MEI1: variants seen among roughly 807,000 people sequenced by gnomAD.
The protein encoded by MEI1 is meiosis inhibitor protein 1.
A neutral mutation model predicts 146.2 loss-of-function variants in MEI1; 103 were observed. The ratio of observed to expected loss-of-function variants is 0.70; its 90% CI spans 0.60 to 0.83. MEI1 has a LOEUF of 0.83. Ranked by LOEUF, MEI1 falls within the 40% of genes least tolerant of loss-of-function variation. The pLI, the probability that MEI1 is intolerant of heterozygous loss-of-function variation, is 0.00. For synonymous variants in MEI1, 652 were observed against 628.2 expected (o/e 1.04, Z -0.57); for missense variants, 1,529 against 1,533.0 (o/e 1.00, Z 0.04).
intron 21 of MEI1, among the ~76,000 whole-genome samples, chr22:41,777,157 A>G (rs949671817): frequency 1.2e-5 from 1 of 84,214 alleles, no homozygotes; most frequent in Non-Finnish European, 2.7e-5. Context: ...TTTTAAAAAT[A>G]ATTTTTTTTT....
Position 41,795,774 on chromosome 22 carries a change from C to T in MEI1, c.3706C>T (p.Gln1236Ter). 6.2e-7 allele frequency: 1 copy of T among 1,613,828 alleles called. No homozygotes were observed. Among genetic ancestry groups the T allele is most frequent in the African/African-American group, 1.3e-5 (1 of 75,044 alleles). ...ACACCTGGCTGACCACAGCATGGCC[C>T]AGACCCTGCAGGCCTCCTTGGAGGG... Reference protein sequence around the residue: ...MGHLADHSMAQTLQASLEGLP... With the variant: ...MGHLADHSMA The change falls in exon 30 of 31, where the codon CAG becomes TAG. Residue 1236 changes from glutamine to a stop codon, truncating the protein, a stop_gained. Coordinates refer to ENST00000401548, the MANE Select transcript of MEI1 (RefSeq NM_152513.4). LOFTEE classifies it high-confidence loss of function. The surrounding 1 kb of genome is among the most constrained non-coding windows in gnomAD (Gnocchi z 4.2).
chr22:41,752,527 C>A, intron 15 of MEI1, 64 bp from the exon 16 acceptor site: 1 of 1,435,602 alleles, frequency 7.0e-7, no homozygotes, highest in Non-Finnish European at 9.6e-7. Context: ...ACCACCCAGG[C>A]TTGGGACTCT....
intron 20 of MEI1, 79 bp from the exon 21 acceptor site, chr22:41,776,023 C>G (rs2075420373): frequency 6.9e-7 from 1 of 1,443,498 alleles, no homozygotes; most frequent in African/African-American, 1.4e-5. Context: ...GGGCCCTTTT[C>G]CTGCCCCTCT....
chr22:41,711,413 C>T (rs1445581648), intron 3 of MEI1, among the ~76,000 whole-genome samples: 1 of 152,132 alleles, frequency 6.6e-6, no homozygotes, highest in East Asian at 1.9e-4. Context: ...CCTCATGATC[C>T]GTTCTGACCC....
Position 41,732,582 on chromosome 22 carries a change from A to T in MEI1, c.1310A>T (p.Lys437Met), listed in dbSNP as rs567856913. 13 of 1,613,510 alleles carry T rather than the reference A, an allele frequency of 8.1e-6. No individual in the cohort carries two copies. In the South Asian group the frequency reaches 1.3e-4, roughly 16 times the overall value. ...CTGGAGGTGGCTGCTGAGGCCTTGA[A>T]GGCCACTTCTGCTTTTCTGAGGTGA... Reference protein sequence around the residue: ...PVLEVAAEALKATSAFLRKDH... With the variant: ...PVLEVAAEALMATSAFLRKDH... The change falls in exon 11 of 31, where the codon AAG (lysine) becomes ATG (methionine). Residue 437 changes from lysine (K) to methionine (M), a missense_variant. Transcript: ENST00000401548.
intron 11 of MEI1, among the ~76,000 whole-genome samples, chr22:41,734,503 G>A (rs1283683561): frequency 6.6e-6 from 1 of 151,280 alleles, no homozygotes; most frequent in Non-Finnish European, 1.5e-5. Flanking sequence ...TGAGGAAGGA[G>A]AATTATCTGA....
chr22:41,711,643 T>C (rs1177382755), intron 3 of MEI1, among the ~76,000 whole-genome samples: 1 of 152,196 alleles, frequency 6.6e-6, no homozygotes, highest in Non-Finnish European at 1.5e-5. Context: ...TGCTTCTTGT[T>C]TCTGTGCGTG....
At chr22:41,742,605 TAGAG>T (rs1475420249) in intron 11 of MEI1, among the ~76,000 whole-genome samples, 1 of 152,182 alleles carries the variant, frequency 6.6e-6, no homozygotes, top group Non-Finnish European at 1.5e-5. Context: ...AATTGATGGT[TAGAG>T]AGGGCAAGGA....
Position 41,784,640 on chromosome 22 carries a change from C to G in MEI1, c.3202C>G (p.Arg1068Gly), listed in dbSNP as rs534604186. ...CTTATGCTTCCTGCGGACAGCCCTG[C>G]GACAAAGCTTTTCCTCTGCCCTGGT... ...AILCFLRTAL[R>G]QSFSSALVAL... The change falls in exon 26 of 31, where the codon CGA (arginine) becomes GGA (glycine). Residue 1068 changes from arginine to glycine, a missense_variant. Transcript: ENST00000401548. The G allele has an allele frequency of 6.2e-7, 1 of 1,613,276 alleles. No homozygotes were observed. The highest frequency in any genetic ancestry group is 1.3e-5 in the African/African-American group (1 of 75,032).
At chr22:41,719,652 C>G (rs930823644) in intron 6 of MEI1, among the ~76,000 whole-genome samples, 2 of 152,298 alleles carry the variant, frequency 1.3e-5, no homozygotes, top group Middle Eastern at 3.4e-3. Context: ...GATTCAGTTT[C>G]CAACACATGA....
In MEI1 at chr22:41,732,565, G is replaced by T; in HGVS notation, c.1293G>T (p.Val431=). 6.2e-7 allele frequency: 1 copy of T among 1,613,708 alleles called. No homozygotes were observed. Among genetic ancestry groups the T allele is most frequent in the Non-Finnish European group, 8.5e-7 (1 of 1,179,854 alleles). Residue 431 remains valine, a synonymous_variant, in exon 11 of 31, where the codon GTG becomes GTT. Transcript: ENST00000401548. ...QEAVSSPVLE[V]AAEALKATSA... ...CAGTTAGCAGCCCTGTGCTGGAGGT[G>T]GCTGCTGAGGCCTTGAAGGCCACTT...
At chr22:41,763,724 G>A (rs1158103502) in intron 19 of MEI1, among the ~76,000 whole-genome samples, 1 of 151,176 alleles carries the variant, frequency 6.6e-6, no homozygotes, top group East Asian at 1.9e-4. Context: ...AGGAGTTCAA[G>A]ACCAGCCTGG....
At chr22:41,711,242 G>A (rs2069533697) in intron 3 of MEI1, among the ~76,000 whole-genome samples, 2 of 151,668 alleles carry the variant, frequency 1.3e-5, no homozygotes, top group South Asian at 2.1e-4. Context: ...GCGCGATCTC[G>A]GCTCACTGCA....
intron 7 of MEI1, among the ~76,000 whole-genome samples, chr22:41,728,127 C>T (rs970012047): frequency 1.3e-5 from 2 of 152,192 alleles, no homozygotes; most frequent in African/African-American, 4.8e-5. Flanking sequence ...CTAGTGAATA[C>T]TGCATTTTCC....
chr22:41,793,032 CTTTTTTTTTTTTT>C (rs869223251), intron 26 of MEI1, among the ~76,000 whole-genome samples: 25 of 48,398 alleles, frequency 5.2e-4, no homozygotes, highest in East Asian at 1.1e-3. Flanking sequence ...ACAAAGCATT[CTTTTTTTTTTTTT>C]TTTTTTTTTT....
At chr22:41,789,424 A>G (rs1274919671) in intron 26 of MEI1, among the ~76,000 whole-genome samples, 1 of 152,190 alleles carries the variant, frequency 6.6e-6, no homozygotes, top group Non-Finnish European at 1.5e-5. Context: ...TTGGCCTCAC[A>G]AAGTGCTAGG....
At chr22:41,728,261 C>T (rs5758436) in intron 7 of MEI1, among the ~76,000 whole-genome samples, 127,071 of 152,184 alleles carry the variant, frequency 0.83, 54,017 homozygotes, top group African/African-American at 0.96. Flanking sequence ...CTCTCAGTTC[C>T]GTTAGGAACC....
intron 15 of MEI1, 157 bp from the exon 16 acceptor site, chr22:41,752,434 C>G: frequency 1.5e-6 from 1 of 659,250 alleles, no homozygotes; most frequent in Non-Finnish European, 2.7e-6. Flanking sequence ...AGTTAAAAAA[C>G]TTTTCCGGAG....
chr22:41,730,417 G>T, intron 8 of MEI1, 104 bp from the exon 9 acceptor site: 2 of 724,422 alleles, frequency 2.8e-6, no homozygotes, highest in Non-Finnish European at 2.5e-6. Context: ...AACAGATGAA[G>T]TAGCAAGAGT....
Sources: gnomAD v4.1 joint callset for allele counts (sites outside exome capture counted in the v4.1 genomes callset) on GRCh38, gnomAD v4.1.1 for gene constraint, Gnocchi (gnomAD v3.1) non-coding constraint, MANE v1.5 for transcripts, NCBI Gene and HGNC (gene_info 2026-07-23, HGNC 2026-07-21) for gene names.